The following ITGA8 variants were observed in gnomAD, a reference collection of about 807,000 sequenced individuals.
ITGA8 encodes the protein integrin alpha-8.
ITGA8 carries 91 observed loss-of-function variants against 142.3 expected under a neutral mutation model. The ratio of observed to expected loss-of-function variants is 0.64; its 90% CI spans 0.54 to 0.76. The LOEUF (loss-of-function observed/expected upper bound fraction) is 0.76. Among genes scored for constraint, ITGA8 ranks in the 30% least tolerant of loss-of-function variants. The pLI is 0.00. For synonymous variants in ITGA8, 505 were observed against 485.2 expected (o/e 1.04, Z -0.54); for missense variants, 1,406 against 1,327.7 (o/e 1.06, Z -0.92).
At chr10:15,575,940 C>CGT (rs34463146) in intron 23 of ITGA8, among the ~76,000 whole-genome samples, 4,216 of 148,874 alleles carry the variant, frequency 0.028, 138 homozygotes, top group African/African-American at 0.081. Context: ...CATGTGAGAA[C>CGT]GTGTGTGTGT....
chr10:15,585,750 A>G (rs1474539190), intron 23 of ITGA8, among the ~76,000 whole-genome samples: 2 of 152,138 alleles, frequency 1.3e-5, no homozygotes, highest in Admixed American at 1.3e-4. Context: ...GCTGGTAGTC[A>G]TTTCCTTGAC....
intron 10 of ITGA8, among the ~76,000 whole-genome samples, chr10:15,655,647 G>T (rs1834170914): frequency 6.6e-6 from 1 of 152,092 alleles, no homozygotes; most frequent in Non-Finnish European, 1.5e-5. Context: ...TCAACAATCA[G>T]CCCATTTAAT....
intron 27 of ITGA8, among the ~76,000 whole-genome samples, chr10:15,541,518 G>C (rs1030445237): frequency 2.6e-5 from 4 of 152,172 alleles, no homozygotes; most frequent in Non-Finnish European, 5.9e-5. Flanking sequence ...GGGATAATTT[G>C]TTGTGATCTC....
intron 2 of ITGA8, among the ~76,000 whole-genome samples, chr10:15,698,019 G>A (rs780987344): frequency 7.9e-4 from 120 of 152,214 alleles, no homozygotes; most frequent in African/African-American, 1.9e-3. Context: ...CCCAAGCAGC[G>A]TACACTGTAC....
At chr10:15,635,243 G>T (rs975527132) in intron 13 of ITGA8, among the ~76,000 whole-genome samples, 2 of 151,856 alleles carry the variant, frequency 1.3e-5, no homozygotes, top group African/African-American at 4.8e-5. Context: ...TTGACTTCAT[G>T]ATCTGCCCGC....
chr10:15,637,964 G>C (rs989581407), intron 13 of ITGA8, among the ~76,000 whole-genome samples: 7 of 151,966 alleles, frequency 4.6e-5, no homozygotes, highest in Non-Finnish European at 1.0e-4. Flanking sequence ...GAGATTCCAC[G>C]ATAATATTCT....
chr10:15,524,638 TC>T (rs1453798197), intron 28 of ITGA8, among the ~76,000 whole-genome samples: 1 of 152,212 alleles, frequency 6.6e-6, no homozygotes, highest in Non-Finnish European at 1.5e-5. Context: ...GCAAAGCTTT[TC>T]CTGAAACTCC....
intron 2 of ITGA8, among the ~76,000 whole-genome samples, chr10:15,703,245 C>G (rs1031247396): frequency 1.3e-5 from 2 of 152,132 alleles, no homozygotes; most frequent in African/African-American, 4.8e-5. Flanking sequence ...TATAAATTTT[C>G]TGCTGTAATT....
chr10:15,532,440 A>AGAAAAAAAAG (rs1833328299), intron 27 of ITGA8, among the ~76,000 whole-genome samples: 1 of 149,342 alleles, frequency 6.7e-6, no homozygotes, highest in Admixed American at 6.7e-5. Context: ...AAAAAAAAAA[A>AGAAAAAAAAG]AAAAAAGCCT....
At position 15,523,756 on chromosome 10, in the gene ITGA8, C is replaced by CAAAAAA. The variant is rs11388685; in HGVS notation, c.2983-4350_2983-4345dup. Among the ~76,000 whole-genome samples, 32 of 117,102 alleles carry CAAAAAA rather than the reference C, an allele frequency of 2.7e-4. 1 individual carries two copies. Among genetic ancestry groups the CAAAAAA allele is most frequent in the African/African-American group, 9.8e-4 (31 of 31,612 alleles). The allele number at this position is 117,102 out of a possible 152,430, so 76.8% of individuals were successfully genotyped here. ...GAAACCCCATCTCTACTAAAAATACCAAAAAAAAAAAAAAAAAAAATTAGA... is the reference window on the plus strand; with the variant it reads ...GAAACCCCATCTCTACTAAAAATACCAAAAAAAAAAAAAAAAAAAAAAAAAATTAGA... On this transcript the variant is annotated intron_variant, in intron 28 of 29. Coordinates refer to ENST00000378076, the MANE Select transcript of ITGA8 (RefSeq NM_003638.3).
At chr10:15,657,870 A>G (rs1384874046) in intron 10 of ITGA8, among the ~76,000 whole-genome samples, 4 of 152,220 alleles carry the variant, frequency 2.6e-5, no homozygotes. Flanking sequence ...CATTTATTTT[A>G]AATTTGTCCT....
At chr10:15,670,559 C>T (rs1199649903) in intron 8 of ITGA8, among the ~76,000 whole-genome samples, 1 of 152,100 alleles carries the variant, frequency 6.6e-6, no homozygotes, top group African/African-American at 2.4e-5. Flanking sequence ...AATAACAATA[C>T]ATAACAATAC....
In ITGA8 at chr10:15,691,044, T is replaced by G. The variant is rs897660396; in HGVS notation, c.344-3006A>C. Among the ~76,000 whole-genome samples, 3 of 152,194 alleles carry G rather than the reference T, an allele frequency of 2.0e-5. No homozygotes were observed. The East Asian group carries it at 5.8e-4, about 29-fold the overall frequency. ...ATTAGTCAAAGGGCCTGGACAGATA[T>G]TTTATGAAAGAAGGCATACAAACGG... On this transcript the variant is annotated intron_variant, in intron 2 of 29. Transcript: ENST00000378076.
At chr10:15,641,172 G>C (rs1386973615) in intron 13 of ITGA8, among the ~76,000 whole-genome samples, 1 of 152,120 alleles carries the variant, frequency 6.6e-6, no homozygotes, top group Non-Finnish European at 1.5e-5. Context: ...TCCTGCCTCA[G>C]CTGCCTGCGT....
intron 25 of ITGA8, 112 bp downstream of exon 25, chr10:15,572,099 C>A: frequency 1.2e-6 from 1 of 844,460 alleles, no homozygotes. Flanking sequence ...TCAATGATCA[C>A]TGAAGCAACT....
chr10:15,535,697 C>T (rs1833416676), intron 27 of ITGA8, among the ~76,000 whole-genome samples: 1 of 152,140 alleles, frequency 6.6e-6, no homozygotes, highest in African/African-American at 2.4e-5. Flanking sequence ...GACCACTGGG[C>T]TCTCTGTAAA....
In ITGA8 at chr10:15,607,867, A is replaced by G. The variant is rs201174157; in HGVS notation, c.1610-36T>C. The G allele has an allele frequency of 5.9e-6, 9 of 1,534,698 alleles. No individual in the cohort carries two copies. The East Asian group carries it at 1.8e-4, about 31-fold the overall frequency. ...GAAGTAAAGTAGAGAAAAAGTATTC[A>G]GTGAACACAGTGCTCTATCAGAGAG... On this transcript the variant is annotated intron_variant, in intron 16 of 29. Transcript: ENST00000378076.
rs756960220 is a variant in ITGA8, at chr10:15,517,194, C to T, written c.3156G>A (p.Arg1052=). The part of the protein sequence containing the change: ...ARPPQEDMTD[R]EQLTNDKTPE... Reference sequence around the variant, plus strand: ...GGGTCTTGTCATTTGTCAGCTGTTCCCTGTCGGTCATGTCCTCCTGAGGAG... The same window carrying T: ...GGGTCTTGTCATTTGTCAGCTGTTCTCTGTCGGTCATGTCCTCCTGAGGAG... Residue 1052 remains arginine (R), a synonymous_variant, in exon 30 of 30, where the codon AGG becomes AGA. Coordinates refer to ENST00000378076, the MANE Select transcript of ITGA8 (RefSeq NM_003638.3). The T allele has an allele frequency of 1.9e-6, 3 of 1,613,450 alleles. No individual in the cohort carries two copies. Among genetic ancestry groups the T allele is most frequent in the Non-Finnish European group, 2.5e-6 (3 of 1,179,630 alleles).
chr10:15,614,906 C>T (rs1331430133), intron 14 of ITGA8, among the ~76,000 whole-genome samples: 1 of 152,102 alleles, frequency 6.6e-6, no homozygotes. Context: ...AAGAGATATA[C>T]TGGGATCAAA....
Sources: allele counts gnomAD v4.1 joint callset (sites outside exome capture counted in the v4.1 genomes callset), GRCh38; gene constraint gnomAD v4.1.1; transcripts MANE v1.5; gene names NCBI Gene and HGNC (gene_info 2026-07-23, HGNC 2026-07-21).